NOX4: variants seen among roughly 807,000 people sequenced by gnomAD.
NOX4 encodes the protein NADPH oxidase 4, also known as kidney oxidase-1.
Under a neutral mutation model 87.6 loss-of-function variants are expected in NOX4, and 69 were observed. The observed-to-expected ratio is 0.79, with a 90% CI of 0.65 to 0.96. The LOEUF (loss-of-function observed/expected upper bound fraction) is 0.96. Ranked by LOEUF, NOX4 falls within the 40% of genes least tolerant of loss-of-function variation. The pLI is 0.00. For synonymous variants in NOX4, 275 were observed against 238.2 expected, an observed-to-expected ratio of 1.15 and a Z score of -1.42; for missense variants, 680 against 681.5, an observed-to-expected ratio of 1.00 and a Z score of 0.02.
chr11:89,362,173 G>GACACAGACACAC (rs936644259), intron 12 of NOX4, among the ~76,000 whole-genome samples: 1 of 146,920 alleles, frequency 6.8e-6, no homozygotes, highest in African/African-American at 2.5e-5. Flanking sequence ...CACAGACACA[G>GACACAGACACAC]ACACACACAC....
chr11:89,571,257 G>C, the NOX4 span, among the ~76,000 whole-genome samples: 2 of 151,494 alleles, frequency 1.3e-5, no homozygotes, highest in Non-Finnish European at 2.9e-5. Context: ...ATAAACAGTA[G>C]TTCTACATTT....
chr11:89,390,442 GT>G (rs1391013586), intron 11 of NOX4, among the ~76,000 whole-genome samples: 1 of 152,124 alleles, frequency 6.6e-6, no homozygotes, highest in Non-Finnish European at 1.5e-5. Flanking sequence ...GCCAACTATT[GT>G]AACAATTTAA....
At chr11:89,553,606 G>A in the NOX4 span, among the ~76,000 whole-genome samples, 1 of 151,968 alleles carries the variant, frequency 6.6e-6, no homozygotes, top group Non-Finnish European at 1.5e-5. Context: ...TATAAAAGTA[G>A]TAGAGAGACA....
chr11:89,445,781 A>G (rs759882001), intron 4 of NOX4, among the ~76,000 whole-genome samples: 9 of 152,156 alleles, frequency 5.9e-5, no homozygotes, highest in Non-Finnish European at 1.2e-4. Context: ...ATACACGGGA[A>G]AAAGTCTATA....
intron 2 of NOX4, among the ~76,000 whole-genome samples, chr11:89,461,884 A>G (rs605012): frequency 6.6e-5 from 10 of 152,110 alleles, no homozygotes; most frequent in Admixed American, 5.9e-4. Context: ...ACATAATACC[A>G]CTATGTGAGG....
chr11:89,511,902 G>C, the NOX4 span, among the ~76,000 whole-genome samples: 1 of 151,992 alleles, frequency 6.6e-6, no homozygotes, highest in Admixed American at 6.6e-5. Flanking sequence ...ACAATTTACT[G>C]AAATAATAAA....
At chr11:89,563,619 CAG>C in the NOX4 span, among the ~76,000 whole-genome samples, 3 of 152,066 alleles carry the variant, frequency 2.0e-5, no homozygotes, top group East Asian at 1.9e-4. Flanking sequence ...CCAAATCTTC[CAG>C]AGTCTTTAAA....
intron 17 of NOX4, among the ~76,000 whole-genome samples, chr11:89,331,907 A>G (rs1945491367): frequency 6.7e-6 from 1 of 149,668 alleles, no homozygotes; most frequent in African/African-American, 2.4e-5. Context: ...ATGAAATCTT[A>G]CTTTTTTTTT....
chr11:89,483,566 G>A (rs1156692547), intron 2 of NOX4, among the ~76,000 whole-genome samples: 1 of 145,772 alleles, frequency 6.9e-6, no homozygotes, highest in African/African-American at 2.5e-5. Context: ...CGAATTTACA[G>A]AAGTAGAGAG....
chr11:89,518,686 A>C, the NOX4 span, among the ~76,000 whole-genome samples: 1 of 152,056 alleles, frequency 6.6e-6, no homozygotes, highest in Non-Finnish European at 1.5e-5. Flanking sequence ...GCCAAATTGG[A>C]TAATCCAATA....
chr11:89,419,403 C>T lies in NOX4; in HGVS notation c.629+2499G>A, dbSNP rs192009994. Among the ~76,000 whole-genome samples, 448 of 151,760 alleles carry T rather than the reference C, an allele frequency of 3.0e-3. 5 individuals are homozygous for T. The highest frequency in any genetic ancestry group is 7.2e-4 in the Non-Finnish European group (49 of 67,878). On this transcript the variant is annotated intron_variant, in intron 8 of 17. Coordinates refer to ENST00000263317, the MANE Select transcript of NOX4 (RefSeq NM_016931.5). The stretch of plus-strand genomic sequence containing the variant: ...ACAAATAAATAGACTTAATTATAAG[C>T]CAATCCTTCATCAGTATAGTTTTTT...
At chr11:89,443,863 C>A in intron 5 of NOX4, 1 of 325,258 alleles carries the variant, frequency 3.1e-6, no homozygotes, top group South Asian at 5.9e-5. Flanking sequence ...ACAAAAGCTG[C>A]TGGGAGTCAG....
chr11:89,548,501 A>C, the NOX4 span: 3 of 152,238 alleles, frequency 2.0e-5, no homozygotes, highest in Admixed American at 2.0e-4. Context: ...ACATGTGGAC[A>C]TTTGATAGCA....
At chr11:89,482,890 C>T (rs1460515444) in intron 2 of NOX4, among the ~76,000 whole-genome samples, 4 of 152,056 alleles carry the variant, frequency 2.6e-5, no homozygotes, top group African/African-American at 9.7e-5. Flanking sequence ...CAGGTTCTAA[C>T]ACTATCTGTT....
intron 2 of NOX4, among the ~76,000 whole-genome samples, chr11:89,470,338 G>T (rs747785080): frequency 1.3e-5 from 2 of 152,018 alleles, no homozygotes; most frequent in Non-Finnish European, 2.9e-5. Context: ...CATTGTAGTT[G>T]TATAAACTGA....
In NOX4 at chr11:89,402,826, G is replaced by A. The variant is rs553529554; in HGVS notation, c.630-284C>T. ...ACATGCAATCTCTCCAGGCATTATT[G>A]AATTTGATGGCCTTTACTTCAAGAC... On this transcript the variant is annotated intron_variant, in intron 8 of 17. Coordinates refer to ENST00000263317, the MANE Select transcript of NOX4 (RefSeq NM_016931.5). Among the ~76,000 whole-genome samples the A allele has an allele frequency of 5.8e-4, 89 of 152,214 alleles. 1 individual carries two copies. The highest frequency in any genetic ancestry group is 1.1e-3 in the Non-Finnish European group (74 of 68,006).
At chr11:89,479,814 C>A (rs1027863329) in intron 2 of NOX4, among the ~76,000 whole-genome samples, 1 of 152,104 alleles carries the variant, frequency 6.6e-6, no homozygotes, top group African/African-American at 2.4e-5. Flanking sequence ...AACTTTTTAT[C>A]GCATTGCTCG....
At chr11:89,373,294 A>AC in intron 12 of NOX4, 138 bp downstream of exon 12, 4 of 494,842 alleles carry the variant, frequency 8.1e-6, no homozygotes, top group Non-Finnish European at 1.4e-5. Flanking sequence ...AAAAAAAAAA[A>AC]AAAACAAAAA....
At chr11:89,543,719 G>A in the NOX4 span, among the ~76,000 whole-genome samples, 1 of 152,032 alleles carries the variant, frequency 6.6e-6, no homozygotes, top group Non-Finnish European at 1.5e-5. Context: ...ACCAGCAAAA[G>A]TATGAGGATG....
Sources: allele counts gnomAD v4.1 joint callset (sites outside exome capture counted in the v4.1 genomes callset), GRCh38; gene constraint gnomAD v4.1.1; transcripts MANE v1.5; gene names NCBI Gene and HGNC (gene_info 2026-07-23, HGNC 2026-07-21).